The following KMT5A variants were observed in gnomAD, a reference collection of about 807,000 sequenced individuals.
KMT5A encodes lysine methyltransferase 5A, also known as N-lysine methyltransferase KMT5A.
Under a neutral mutation model 40.6 loss-of-function variants are expected in KMT5A, and 6 were observed. The observed-to-expected ratio is 0.15, with a 90% CI of 0.08 to 0.29. KMT5A has a LOEUF of 0.29. KMT5A is among the 10% of genes least tolerant of loss of function. The probability of loss-of-function intolerance (pLI) is 1.00; values close to 1 mark genes in which losing one functional copy is unlikely to be tolerated. For missense variants in KMT5A, 308 were observed against 459.1 expected (o/e 0.67, Z 3.01); for synonymous variants, 153 against 178.8 (o/e 0.86, Z 1.15).
rs1329369281 is a variant in KMT5A, at chr12:123,384,373, G to A, written c.10+165G>A. Among the ~76,000 whole-genome samples, 1 of 152,166 alleles carries A rather than the reference G, an allele frequency of 6.6e-6. No homozygotes were observed. The highest frequency in any genetic ancestry group is 1.5e-5 in the Non-Finnish European group (1 of 68,014). On this transcript the variant is annotated intron_variant, in intron 1 of 7. Transcript: ENST00000402868. This position sits in a 1 kb window ranked among gnomAD's most constrained non-coding sequence, Gnocchi z 5.7. ...AGGGGGTGCTGCTGCGGAACCCGCCGGCCCCCCCTTGCGGCTCCAGATGCC... is the reference window on the plus strand; with the variant it reads ...AGGGGGTGCTGCTGCGGAACCCGCCAGCCCCCCCTTGCGGCTCCAGATGCC...
chr12:123,388,149 A>G (rs1176329292), intron 1 of KMT5A, among the ~76,000 whole-genome samples: 1 of 152,204 alleles, frequency 6.6e-6, no homozygotes, highest in African/African-American at 2.4e-5. Flanking sequence ...ATAGGAGAAC[A>G]AGGTGACATG....
Position 123,396,452 on chromosome 12 carries a change from T to C in KMT5A, c.597+20T>C, listed in dbSNP as rs377026210. On this transcript the variant is annotated intron_variant, in intron 5 of 7. Coordinates refer to ENST00000402868, the MANE Select transcript of KMT5A (RefSeq NM_020382.7). ...CTGCAGGTAGTCACGTGCTTTAAAT[T>C]CCAGTTTGTGGAGGGGCAGGGTGGC... 6.2e-7 allele frequency: 1 copy of C among 1,613,176 alleles called. No individual in the cohort carries two copies. The highest frequency in any genetic ancestry group is 1.3e-5 in the African/African-American group (1 of 74,894).
intron 6 of KMT5A, among the ~76,000 whole-genome samples, chr12:123,403,907 C>G (rs538538520): frequency 6.6e-5 from 10 of 152,288 alleles, no homozygotes; most frequent in East Asian, 5.8e-4. Context: ...TTTGTACATT[C>G]ACAATGCAAT....
chr12:123,390,037 C>G (rs1466062771), intron 2 of KMT5A: 6 of 466,268 alleles, frequency 1.3e-5, no homozygotes, highest in Non-Finnish European at 2.6e-5. Context: ...GACAAAGTGG[C>G]CGCCCCGAAT....
intron 5 of KMT5A, among the ~76,000 whole-genome samples, chr12:123,397,355 G>A (rs1389187923): frequency 6.6e-6 from 1 of 152,236 alleles, no homozygotes; most frequent in Non-Finnish European, 1.5e-5. Flanking sequence ...ACCGGGTTGG[G>A]AGAGGTGCTC....
At chr12:123,400,983 CAG>C (rs574011771) in intron 5 of KMT5A, among the ~76,000 whole-genome samples, 3 of 150,188 alleles carry the variant, frequency 2.0e-5, no homozygotes, top group African/African-American at 7.3e-5. Context: ...TTAGTAGAGA[CAG>C]GGTTTCGTCA....
intron 4 of KMT5A, 36 bp from the exon 5 acceptor site, chr12:123,396,309 C>T (rs753062902): frequency 5.0e-6 from 8 of 1,604,934 alleles, no homozygotes; most frequent in African/African-American, 2.7e-5. Context: ...GTTTTCAGTC[C>T]TGATATTTAT....
At chr12:123,405,756 C>G (rs1383690644) in intron 7 of KMT5A, among the ~76,000 whole-genome samples, 1 of 151,744 alleles carries the variant, frequency 6.6e-6, no homozygotes, top group Non-Finnish European at 1.5e-5. Context: ...ATATGGTCTG[C>G]CTGCCTTAGC....
rs1355925717 is a variant in KMT5A, at chr12:123,390,668, C to T, written c.171C>T (p.Tyr57=). The T allele has an allele frequency of 1.2e-6, 2 of 1,613,828 alleles. No individual in the cohort carries two copies. The highest frequency in any genetic ancestry group is 1.7e-6 in the Non-Finnish European group (2 of 1,179,846). Residue 57 remains tyrosine, a synonymous_variant, in exon 3 of 8, where the codon TAC becomes TAT. Transcript: ENST00000402868. ...VFTGQSKIYS[Y]MSPNKCSGMR... is the part of the protein sequence containing the mutation. ...CCGGGCAGTCAAAGATCTATTCCTA[C>T]ATGAGCCCGAACAAATGCTCTGGAA...
At chr12:123,394,986 T>C in intron 3 of KMT5A, 61 bp from the exon 4 acceptor site, 4 of 1,406,190 alleles carry the variant, frequency 2.8e-6, no homozygotes, top group Non-Finnish European at 3.9e-6. Flanking sequence ...ATGCAGCTGG[T>C]CGTCTGGAAA....
At chr12:123,391,814 GAA>G (rs753534249) in intron 3 of KMT5A, among the ~76,000 whole-genome samples, 109 of 152,348 alleles carry the variant, frequency 7.2e-4, no homozygotes, top group African/African-American at 2.5e-3. Flanking sequence ...TTCGCTAACA[GAA>G]AGTGTCATAA....
chr12:123,395,324 A>G (rs2139177766), intron 4 of KMT5A, 58 bp downstream of exon 4: 1 of 1,551,180 alleles, frequency 6.4e-7, no homozygotes, highest in Middle Eastern at 1.7e-4. Flanking sequence ...CTCTGATGCC[A>G]GGGAAGCCTG....
At chr12:123,403,502 C>A in intron 5 of KMT5A, 71 bp from the exon 6 acceptor site, 1 of 1,562,644 alleles carries the variant, frequency 6.4e-7, no homozygotes, top group South Asian at 1.1e-5. Flanking sequence ...AATCAGGGCT[C>A]AAGACCATCA....
chr12:123,399,334 G>C (rs892236238), intron 5 of KMT5A, among the ~76,000 whole-genome samples: 3 of 152,362 alleles, frequency 2.0e-5, no homozygotes, highest in African/African-American at 7.2e-5. Context: ...AGTCCCTTTA[G>C]AAAACCCAGG....
At chr12:123,401,953 A>G (rs28509440) in intron 5 of KMT5A, among the ~76,000 whole-genome samples, 146,659 of 152,250 alleles carry the variant, frequency 0.96, 70,790 homozygotes, top group African/African-American at 0.99. Flanking sequence ...CACAGTCATG[A>G]CTCACTGCAG....
intron 3 of KMT5A, among the ~76,000 whole-genome samples, chr12:123,394,587 G>C (rs1247541717): frequency 6.6e-6 from 1 of 152,148 alleles, no homozygotes; most frequent in Non-Finnish European, 1.5e-5. Context: ...ACTAGAAGGG[G>C]ACCTTCTTTT....
intron 3 of KMT5A, 127 bp downstream of exon 3, chr12:123,390,913 T>C (rs748257446): frequency 8.8e-7 from 1 of 1,135,256 alleles, no homozygotes; most frequent in Non-Finnish European, 1.2e-6. Flanking sequence ...GTTTGAGCCA[T>C]GTTCTGTCTT....
chr12:123,391,047 A>G, intron 3 of KMT5A: 1 of 435,194 alleles, frequency 2.3e-6, no homozygotes, highest in South Asian at 2.5e-5. Flanking sequence ...AAAATAACAT[A>G]CCTGACCCAC....
chr12:123,409,247 G>C lies in KMT5A; in HGVS notation c.*1544G>C, dbSNP rs1878840377. The C allele has an allele frequency of 6.6e-6, 1 of 152,582 alleles. No homozygotes were observed. The highest frequency in any genetic ancestry group is 2.4e-5 in the African/African-American group (1 of 41,434). 9.5% of individuals were successfully genotyped at this position (152,582 alleles called of 1,614,324 possible). ...GTGTAAATGTGAGACACAATGTCTTGATTATACCTGTTTGTGGTTTAGCTT... is the reference window on the plus strand; with the variant it reads ...GTGTAAATGTGAGACACAATGTCTTCATTATACCTGTTTGTGGTTTAGCTT... On this transcript the variant is annotated 3_prime_UTR_variant, in exon 8 of 8. Coordinates refer to ENST00000402868, the MANE Select transcript of KMT5A (RefSeq NM_020382.7).
Sources: allele counts gnomAD v4.1 joint callset (sites outside exome capture counted in the v4.1 genomes callset), GRCh38; gene constraint gnomAD v4.1.1; non-coding constraint Gnocchi (gnomAD v3.1); transcripts MANE v1.5; gene names NCBI Gene and HGNC (gene_info 2026-07-23, HGNC 2026-07-21).